CDC42BPB: variants seen among roughly 807,000 people sequenced by gnomAD.
CDC42BPB encodes serine/threonine-protein kinase MRCK beta.
In CDC42BPB, 37 loss-of-function variants were observed where a neutral mutation model predicts 214.9. The observed-to-expected ratio is 0.17, with a 90% confidence interval of 0.13 to 0.23. The LOEUF (loss-of-function observed/expected upper bound fraction) is 0.23, where lower values mean the gene tolerates loss of function less well. CDC42BPB is among the 10% of genes least tolerant of loss of function. The pLI is 1.00. For missense variants in CDC42BPB, 1,694 were observed against 2,227.0 expected (o/e 0.76, Z 4.82); for synonymous variants, 931 against 884.0 (o/e 1.05, Z -0.94).
chr14:102,958,358 A>T (rs1892803044), intron 21 of CDC42BPB, among the ~76,000 whole-genome samples: 1 of 152,212 alleles, frequency 6.6e-6, no homozygotes, highest in African/African-American at 2.4e-5. Context: ...GAGAAAGCAG[A>T]TGTAGCAAAA....
intron 21 of CDC42BPB, among the ~76,000 whole-genome samples, chr14:102,955,966 A>C (rs1392028526): frequency 6.6e-6 from 1 of 152,250 alleles, no homozygotes; most frequent in East Asian, 1.9e-4. Context: ...TGTGTACTGC[A>C]AATTCACAAG....
chr14:102,999,984 T>C (rs1894906292), intron 4 of CDC42BPB: 1 of 854,170 alleles, frequency 1.2e-6, no homozygotes, highest in African/African-American at 1.8e-5. Flanking sequence ...GGGCTTGAGG[T>C]TGGAGAGGGC....
In CDC42BPB at chr14:102,944,410, A is replaced by G; in HGVS notation, c.3889T>C (p.Cys1297Arg). ...AGGTGCACATGGTGGTTCCGGCCAC[A>G]GAGGAGGATTACGATCTTCTCCCTG... ...APREKIVILL[C>R]GRNHHVHLYP... Residue 1297 changes from cysteine (C) to arginine (R), a missense_variant, in exon 30 of 37, where the codon TGT becomes CGT. By Grantham distance (180) the Cys-to-Arg change is radical. Around this residue, in one of 7 missense-constraint regions of CDC42BPB, gnomAD observed 567 missense variants for 790.3 expected, o/e 0.72. Coordinates refer to ENST00000361246, the MANE Select transcript of CDC42BPB (RefSeq NM_006035.4). This position sits in a 1 kb window ranked among gnomAD's most constrained non-coding sequence, Gnocchi z 6.6. 1 of 1,613,088 alleles carries G rather than the reference A, an allele frequency of 6.2e-7. No individual in the cohort carries two copies. The highest frequency in any genetic ancestry group is 1.7e-5 in the Admixed American group (1 of 60,012).
At chr14:103,018,242 T>C (rs1474233447) in intron 1 of CDC42BPB, among the ~76,000 whole-genome samples, 2 of 152,206 alleles carry the variant, frequency 1.3e-5, no homozygotes, top group South Asian at 2.1e-4. Flanking sequence ...TAACAGACCA[T>C]GGAGCTGTCC....
intron 11 of CDC42BPB, among the ~76,000 whole-genome samples, chr14:102,975,324 G>A (rs998258315): frequency 3.3e-5 from 5 of 152,206 alleles, no homozygotes; most frequent in Non-Finnish European, 7.4e-5. Flanking sequence ...AGGAGTTCGA[G>A]ACCAGCCTGG....
chr14:102,985,319 T>C lies in CDC42BPB; in HGVS notation c.690+1168A>G, dbSNP rs1566882058. Among the ~76,000 whole-genome samples, 4 of 149,282 alleles carry C rather than the reference T, an allele frequency of 2.7e-5. No individual in the cohort carries two copies. The South Asian group carries it at 6.5e-4, about 24-fold the overall frequency. ...GTATGGAGGTGAGGAGGGTAACCCA[T>C]GTTCTGGTTATACCGTGACAGGGTG... On this transcript the variant is annotated intron_variant, in intron 6 of 36. Transcript: ENST00000361246.
chr14:102,968,800 A>G, intron 14 of CDC42BPB, 84 bp from the exon 15 acceptor site: 1 of 1,561,840 alleles, frequency 6.4e-7, no homozygotes. Flanking sequence ...CATCCCAAGC[A>G]AGTGCAGACA....
intron 1 of CDC42BPB, among the ~76,000 whole-genome samples, chr14:103,032,725 C>A (rs1431789052): frequency 6.7e-6 from 1 of 149,140 alleles, no homozygotes; most frequent in Non-Finnish European, 1.5e-5. Flanking sequence ...CTCTGCCTCC[C>A]GGGTTCAAGC....
At chr14:102,960,996 A>C (rs551360172) in intron 20 of CDC42BPB, among the ~76,000 whole-genome samples, 1 of 151,108 alleles carries the variant, frequency 6.6e-6, no homozygotes, top group South Asian at 2.1e-4. Flanking sequence ...CCATCTCTAA[A>C]AATAAATAAA....
Position 102,996,269 on chromosome 14 carries a change from G to A in CDC42BPB, c.596+3296C>T, listed in dbSNP as rs376944833. 2.2e-4 allele frequency among the ~76,000 whole-genome samples: 33 copies of A among 152,256 alleles called. No individual in the cohort carries two copies. In the East Asian group the frequency reaches 6.4e-3, roughly 30 times the overall value. On this transcript the variant is annotated intron_variant, in intron 5 of 36. Transcript: ENST00000361246. ...GCAGGAGAATGGCGTGAACCCGGGA[G>A]GCGGAGCTTGCAGTGAGCTGAGATG...
chr14:103,006,034 A>C (rs1261872672), intron 3 of CDC42BPB, among the ~76,000 whole-genome samples: 3 of 151,962 alleles, frequency 2.0e-5, no homozygotes, highest in Admixed American at 2.0e-4. Flanking sequence ...AAAAAAAAAA[A>C]AGATGGCTGT....
chr14:102,999,693 A>G lies in CDC42BPB; in HGVS notation c.468T>C (p.Tyr156=), dbSNP rs1262360725. The part of the protein sequence containing the change: ...ENHLYLVMDY[Y]VGGDLLTLLS... ...GCAGGGTCAGTAAATCACCACCCAC[A>G]TAGTAATCCATGACTAAGTACTACA... The change falls in exon 5 of 37, where the codon TAT becomes TAC. Residue 156 remains tyrosine (Y), a synonymous_variant. Transcript: ENST00000361246. 6.2e-7 allele frequency: 1 copy of G among 1,614,180 alleles called. No homozygotes were observed. The highest frequency in any genetic ancestry group is 1.1e-5 in the South Asian group (1 of 91,082).
rs1264611747 is a variant in CDC42BPB, at chr14:102,968,170, G to A, written c.2346+83C>T. ...CCCCATAAATATATATACCTACTAT[G>A]TACCCACACAAATTAAAAATAATTT... On this transcript the variant is annotated intron_variant, in intron 16 of 36. Coordinates refer to ENST00000361246, the MANE Select transcript of CDC42BPB (RefSeq NM_006035.4). The A allele has an allele frequency of 9.0e-6, 8 of 892,840 alleles. No homozygotes were observed. The East Asian group carries it at 1.3e-4, about 14-fold the overall frequency. 55.3% of individuals were successfully genotyped at this position (892,840 alleles called of 1,614,324 possible).
chr14:103,008,342 G>A (rs62006864), intron 3 of CDC42BPB, 130 bp downstream of exon 3: 1 of 655,454 alleles, frequency 1.5e-6, no homozygotes, highest in Non-Finnish European at 2.7e-6. Flanking sequence ...AAAAGAGAGT[G>A]CTCGCTCTGT....
intron 5 of CDC42BPB, among the ~76,000 whole-genome samples, chr14:102,995,231 A>G (rs1435569415): frequency 1.3e-5 from 2 of 150,770 alleles, no homozygotes; most frequent in African/African-American, 4.9e-5. Context: ...CTGGAGTGCA[A>G]TGGCGCGATC....
chr14:102,938,993 G>T (rs2139342357), intron 34 of CDC42BPB, among the ~76,000 whole-genome samples: 1 of 148,828 alleles, frequency 6.7e-6, no homozygotes, highest in East Asian at 2.0e-4. Context: ...CTGGAGTGCA[G>T]TGGTGCAATC....
chr14:102,938,379 C>T lies in CDC42BPB; in HGVS notation c.4860G>A (p.Pro1620=), dbSNP rs34201193. The T allele has an allele frequency of 0.019, 29,339 of 1,562,470 alleles. 322 individuals carry two copies. Among genetic ancestry groups the T allele is most frequent in the Non-Finnish European group, 0.021 (24,339 of 1,160,324 alleles). Residue 1620 remains proline, a synonymous_variant, in exon 35 of 37, where the codon CCG becomes CCA. Transcript: ENST00000361246. Reference sequence around the variant, plus strand: ...GAGCCAGGTTGGTGGGAGCGGGGCCCGGCCTTTCCTCCTGGGAGGGGGGCA... The same window carrying T: ...GAGCCAGGTTGGTGGGAGCGGGGCCTGGCCTTTCCTCCTGGGAGGGGGGCA... ...SAVPPSQEER[P]GPAPTNLARQ...
At chr14:103,050,486 C>T (rs973183643) in intron 1 of CDC42BPB, among the ~76,000 whole-genome samples, 8 of 152,134 alleles carry the variant, frequency 5.3e-5, no homozygotes, top group African/African-American at 1.2e-4. Flanking sequence ...CATAGCGGAG[C>T]GCAGTGGCTC....
rs373657466 is a variant in CDC42BPB, at chr14:102,968,372, C to T, written c.2241-14G>A. On this transcript the variant is annotated splice_polypyrimidine_tract_variant and intron_variant, in intron 15 of 36. Coordinates refer to ENST00000361246, the MANE Select transcript of CDC42BPB (RefSeq NM_006035.4). Reference sequence around the variant, plus strand: ...ATCTCGTTATGCCTGCCAAGGTGAGCGAGAAACAGTTTTAAAAGCTCGTAA... The same window carrying T: ...ATCTCGTTATGCCTGCCAAGGTGAGTGAGAAACAGTTTTAAAAGCTCGTAA... 2.5e-6 allele frequency: 4 copies of T among 1,613,152 alleles called. No homozygotes were observed. In the African/African-American group the frequency reaches 4.0e-5, roughly 16 times the overall value.
Sources: gnomAD v4.1 joint callset for allele counts (sites outside exome capture counted in the v4.1 genomes callset) on GRCh38, gnomAD v4.1.1 for gene constraint, gnomAD v4.1.1 regional missense constraint, Gnocchi (gnomAD v3.1) non-coding constraint, MANE v1.5 for transcripts, NCBI Gene and HGNC (gene_info 2026-07-23, HGNC 2026-07-21) for gene names.